PTPRC: variants seen among roughly 807,000 people sequenced by gnomAD.
The protein encoded by PTPRC is receptor-type tyrosine-protein phosphatase C.
In PTPRC, 44 loss-of-function variants were observed where a neutral mutation model predicts 155.9. The observed-to-expected ratio is 0.28, with a 90% CI of 0.22 to 0.36. The LOEUF is 0.36. Ranked by LOEUF, PTPRC falls within the 10% of genes least tolerant of loss-of-function variation. PTPRC has a pLI of 1.00. For synonymous variants in PTPRC, 525 were observed against 533.1 expected (o/e 0.98, Z 0.21); for missense variants, 1,401 against 1,564.6 (o/e 0.90, Z 1.76).
At chr1:198,754,537 T>C (rs978257770) in intron 32 of PTPRC, 133 bp downstream of exon 32, 2 of 1,034,158 alleles carry the variant, frequency 1.9e-6, no homozygotes, top group African/African-American at 3.3e-5. Context: ...CTTCTCTATT[T>C]TCTTTCCTAT....
At chr1:198,745,872 CTT>C (rs1175789957) in intron 26 of PTPRC, among the ~76,000 whole-genome samples, 6 of 151,648 alleles carry the variant, frequency 4.0e-5, no homozygotes, top group Admixed American at 4.0e-4. Context: ...AAGTTGGAGA[CTT>C]TGATAGAATT....
chr1:198,729,035 C>A, intron 16 of PTPRC, 102 bp from the exon 17 acceptor site: 1 of 1,353,460 alleles, frequency 7.4e-7, no homozygotes, highest in South Asian at 1.3e-5. Flanking sequence ...TCCCTGACTT[C>A]CTTCCTTTGT....
intron 22 of PTPRC, 125 bp from the exon 23 acceptor site, chr1:198,735,002 A>T: frequency 1.2e-6 from 1 of 844,268 alleles, no homozygotes; most frequent in Non-Finnish European, 1.8e-6. Flanking sequence ...ATATGTGCTT[A>T]AACTATACAA....
At chr1:198,754,494 T>C in intron 32 of PTPRC, 90 bp downstream of exon 32, 1 of 1,447,482 alleles carries the variant, frequency 6.9e-7, no homozygotes, top group Admixed American at 1.9e-5. Context: ...TCTCCTTTCC[T>C]CTCGTTTGTT....
rs141856814 is a variant in PTPRC, at chr1:198,735,471, G to A, written c.2403+219G>A. 9.6e-3 allele frequency among the ~76,000 whole-genome samples: 1,448 copies of A among 151,368 alleles called. 9 individuals carry two copies. Among genetic ancestry groups the A allele is most frequent in the Non-Finnish European group, 0.013 (893 of 67,648 alleles). ...CAACTCAAATCGAAAGAATTATACT[G>A]TATTAATTAATTATCTGTTTTAATT... On this transcript the variant is annotated intron_variant, in intron 23 of 32. Coordinates refer to ENST00000442510, the MANE Select transcript of PTPRC (RefSeq NM_002838.5).
rs188519985 is a variant in PTPRC, at chr1:198,724,354, A to G, written c.1720+1878A>G. On this transcript the variant is annotated intron_variant, in intron 15 of 32. Coordinates refer to ENST00000442510, the MANE Select transcript of PTPRC (RefSeq NM_002838.5). The stretch of plus-strand genomic sequence containing the variant: ...CACCTGTACTTTGACATCATTGTCA[A>G]TTGAACTCCTGGGGACCCTTTCTTC... 3.3e-4 allele frequency among the ~76,000 whole-genome samples: 50 copies of G among 152,290 alleles called. 1 individual carries two copies. The highest frequency in any genetic ancestry group is 8.5e-4 in the Admixed American group (13 of 15,300).
At chr1:198,734,276 T>G in intron 21 of PTPRC, 44 bp downstream of exon 21, 1 of 1,609,634 alleles carries the variant, frequency 6.2e-7, no homozygotes, top group Non-Finnish European at 8.5e-7. Flanking sequence ...AAAATTTTTA[T>G]AGCACTTTTA....
At chr1:198,755,782 A>AAAG in intron 32 of PTPRC, 124 bp from the exon 33 acceptor site, 1 of 1,066,082 alleles carries the variant, frequency 9.4e-7, no homozygotes, top group Non-Finnish European at 1.4e-6. Context: ...AACATATCAA[A>AAAG]AAGTACTTTT....
chr1:198,675,881 G>C (rs1300279031), intron 2 of PTPRC, among the ~76,000 whole-genome samples: 1 of 152,106 alleles, frequency 6.6e-6, no homozygotes, highest in Non-Finnish European at 1.5e-5. Flanking sequence ...AAGATAACTA[G>C]AGAATATTGG....
At chr1:198,649,847 AAAC>A (rs1294220008) in intron 2 of PTPRC, among the ~76,000 whole-genome samples, 1 of 151,916 alleles carries the variant, frequency 6.6e-6, no homozygotes, top group African/African-American at 2.4e-5. Context: ...ACAAGAAAAC[AAAC>A]AACAAATTGA....
At chr1:198,638,924 G>GCAATGCCAT (rs1192766837), upstream of PTPRC, 10 of 243,750 alleles carry the variant, frequency 4.1e-5, no homozygotes, top group Non-Finnish European at 7.2e-5. Flanking sequence ...CTAACTTGGT[G>GCAATGCCAT]TAATTACTTG....
chr1:198,680,452 G>GA (rs71648398), intron 2 of PTPRC, among the ~76,000 whole-genome samples: 3,152 of 121,862 alleles, frequency 0.026, 53 homozygotes, highest in African/African-American at 0.05. Flanking sequence ...AACTCTCTCA[G>GA]AAAAAAAAAA....
At chr1:198,712,805 A>T in intron 11 of PTPRC, 148 bp from the exon 12 acceptor site, 1 of 871,574 alleles carries the variant, frequency 1.1e-6, no homozygotes, top group Non-Finnish European at 1.8e-6. Flanking sequence ...AAAACAAATT[A>T]AATGAGCCCA....
At chr1:198,729,888 G>A (rs1654310345) in intron 17 of PTPRC, among the ~76,000 whole-genome samples, 1 of 152,138 alleles carries the variant, frequency 6.6e-6, no homozygotes, top group South Asian at 2.1e-4. Context: ...ATGGACAAAT[G>A]AGGGAGTGGT....
intron 2 of PTPRC, among the ~76,000 whole-genome samples, chr1:198,643,687 T>C (rs949901098): frequency 1.3e-5 from 2 of 151,936 alleles, no homozygotes; most frequent in African/African-American, 4.8e-5. Flanking sequence ...TTGGACATTC[T>C]AGGTAATGTA....
chr1:198,698,468 T>A (rs1666313476), intron 4 of PTPRC, among the ~76,000 whole-genome samples: 1 of 152,156 alleles, frequency 6.6e-6, no homozygotes, highest in Non-Finnish European at 1.5e-5. Context: ...TGATTTATAC[T>A]GCTGAATGCA....
Position 198,707,843 on chromosome 1 carries a change from C to T in PTPRC, c.905-290C>T, listed in dbSNP as rs551756887. ...TGGAATGAGTGTTTTTTAAAATGTG[C>T]GAAAGCTACAATTTTATCAATATGT... is the stretch of plus-strand genomic sequence containing the variant. On this transcript the variant is annotated intron_variant, in intron 9 of 32. Transcript: ENST00000442510. Among the ~76,000 whole-genome samples the T allele has an allele frequency of 3.3e-5, 5 of 152,028 alleles. No homozygotes were observed. In the East Asian group the frequency reaches 5.8e-4, roughly 18 times the overall value.
Position 198,729,169 on chromosome 1 carries a change from G to C in PTPRC, c.1862G>C (p.Arg621Thr). Residue 621 changes from arginine to threonine, a missense_variant and splice_region_variant, in exon 17 of 33, where the codon AGG becomes ACG. Coordinates refer to ENST00000442510, the MANE Select transcript of PTPRC (RefSeq NM_002838.5). ...GATGAACAGCAGGAGCTTGTTGAAA[G>C]GGGTAAGTATGTATATTTTTGCTGA... is the stretch of plus-strand genomic sequence containing the variant. Reference protein sequence around the residue: ...NLDEQQELVERDDEKQLMNVE... With the variant: ...NLDEQQELVETDDEKQLMNVE... 1.2e-6 allele frequency: 2 copies of C among 1,608,644 alleles called. No individual in the cohort carries two copies. The highest frequency in any genetic ancestry group is 1.7e-6 in the Non-Finnish European group (2 of 1,177,096).
intron 2 of PTPRC, among the ~76,000 whole-genome samples, chr1:198,676,939 C>A (rs1465083440): frequency 6.6e-6 from 1 of 152,126 alleles, no homozygotes; most frequent in Admixed American, 6.5e-5. Flanking sequence ...TTACCCTATT[C>A]ATAATTAACA....
Sources: allele counts gnomAD v4.1 joint callset (sites outside exome capture counted in the v4.1 genomes callset), GRCh38; gene constraint gnomAD v4.1.1; transcripts MANE v1.5; gene names NCBI Gene and HGNC (gene_info 2026-07-23, HGNC 2026-07-21).